RGS7: variants seen among roughly 807,000 people sequenced by gnomAD.
The protein encoded by RGS7 is regulator of G protein signaling 7.
In RGS7, 27 loss-of-function variants were observed where a neutral mutation model predicts 81.1. The observed-to-expected ratio is 0.33, with a 90% CI of 0.25 to 0.46. RGS7 has a LOEUF of 0.46. RGS7 is among the 20% of genes least tolerant of loss of function. The pLI, the probability that RGS7 is intolerant of heterozygous loss-of-function variation, is 1.00. For synonymous variants in RGS7, 208 were observed against 207.7 expected, an observed-to-expected ratio of 1.00 and a Z score of -0.01; for missense variants, 396 against 607.4, an observed-to-expected ratio of 0.65 and a Z score of 3.66.
chr1:240,776,199 C>T lies in RGS7; in HGVS notation c.*21G>A, dbSNP rs150041234. The T allele has an allele frequency of 8.0e-4, 1,291 of 1,610,710 alleles. No homozygotes were observed. Among genetic ancestry groups the T allele is most frequent in the Non-Finnish European group, 1.1e-3 (1,240 of 1,176,994 alleles). ...GAGCAAGGCTTGTTAACCTCTTGGA[C>T]GTGAGAGATTTCCCCTGAGAAAATA... On this transcript the variant is annotated 3_prime_UTR_variant, in exon 19 of 19. Transcript: ENST00000440928.
intron 3 of RGS7, among the ~76,000 whole-genome samples, chr1:241,058,605 G>T (rs2061590367): frequency 6.6e-6 from 1 of 152,184 alleles, no homozygotes; most frequent in African/African-American, 2.4e-5. Flanking sequence ...GTTGCCATGT[G>T]ACTCCAATAA....
rs770774793 is a variant in RGS7 at position 241,355,806 on chromosome 1, T to C, written c.-30A>G. Reference sequence around the variant, plus strand: ...CCCAAAACTTGGTCCACTCTCAAGATACAAGAATTATCAGTGTGCCCTGCA... The same window carrying C: ...CCCAAAACTTGGTCCACTCTCAAGACACAAGAATTATCAGTGTGCCCTGCA... On this transcript the variant is annotated 5_prime_UTR_variant, in exon 2 of 19. Transcript: ENST00000440928. The C allele has an allele frequency of 1.3e-6, 2 of 1,586,276 alleles. No individual in the cohort carries two copies. Among genetic ancestry groups the C allele is most frequent in the South Asian group, 1.1e-5 (1 of 90,568 alleles).
intron 2 of RGS7, among the ~76,000 whole-genome samples, chr1:241,120,498 C>T (rs1240770223): frequency 1.3e-5 from 2 of 152,096 alleles, no homozygotes; most frequent in African/African-American, 4.8e-5. Context: ...CAGATCTGCA[C>T]CACCACGCCT....
At chr1:240,966,964 T>A (rs187813750) in intron 4 of RGS7, among the ~76,000 whole-genome samples, 5 of 152,212 alleles carry the variant, frequency 3.3e-5, no homozygotes, top group Non-Finnish European at 7.3e-5. Flanking sequence ...TGAAACACTA[T>A]GTAGGGGTTA....
intron 18 of RGS7, among the ~76,000 whole-genome samples, chr1:240,789,497 G>A (rs887356995): frequency 3.3e-5 from 5 of 152,280 alleles, no homozygotes; most frequent in East Asian, 1.9e-4. Flanking sequence ...GAGAAATATC[G>A]CTGAATTCTT....
Position 241,087,997 on chromosome 1 carries a change from C to CAA in RGS7, c.175+10668_175+10669insTT, listed in dbSNP as rs1351209701. 9.5e-5 allele frequency among the ~76,000 whole-genome samples: 9 copies of CAA among 94,828 alleles called. No individual in the cohort carries two copies. In the East Asian group the frequency reaches 2.0e-3, roughly 21 times the overall value. The allele number at this position is 94,828 out of a possible 152,430, so 62.2% of individuals were successfully genotyped here. ...CTCTCTATATATATATATATATATA[C>CAA]ACACACACACATATATATATACACA... is the stretch of plus-strand genomic sequence containing the variant. On this transcript the variant is annotated intron_variant, in intron 3 of 18. Transcript: ENST00000440928.
chr1:241,014,870 C>A (rs565438942), intron 3 of RGS7, among the ~76,000 whole-genome samples: 48 of 152,282 alleles, frequency 3.2e-4, no homozygotes, highest in African/African-American at 8.2e-4. Context: ...TGGTTTCCGT[C>A]AGACTGAGAG....
intron 2 of RGS7, among the ~76,000 whole-genome samples, chr1:241,283,340 A>G (rs537069230): frequency 6.6e-5 from 10 of 152,294 alleles, no homozygotes; most frequent in African/African-American, 2.2e-4. Flanking sequence ...TGCTGGCAGT[A>G]TATTCTATTA....
chr1:240,897,232 G>A (rs182301084), intron 6 of RGS7, among the ~76,000 whole-genome samples: 6 of 152,276 alleles, frequency 3.9e-5, no homozygotes, highest in Non-Finnish European at 8.8e-5. Flanking sequence ...TGCAAATAGG[G>A]ACAATTTGAC....
At chr1:240,954,547 T>A (rs531828221) in intron 4 of RGS7, among the ~76,000 whole-genome samples, 1 of 56,986 alleles carries the variant, frequency 1.8e-5, no homozygotes, top group Non-Finnish European at 4.0e-5. Context: ...CCAAAACTTA[T>A]CCATGTAAAA....
chr1:240,956,970 T>A (rs1680539806), intron 4 of RGS7, among the ~76,000 whole-genome samples: 2 of 152,178 alleles, frequency 1.3e-5, no homozygotes. Context: ...ACTGTCATAG[T>A]CTAGAGGACC....
At chr1:240,820,232 TTAAC>T (rs1382896526) in intron 10 of RGS7, among the ~76,000 whole-genome samples, 3 of 152,188 alleles carry the variant, frequency 2.0e-5, no homozygotes, top group Non-Finnish European at 4.4e-5. Flanking sequence ...GAAAATCAAA[TTAAC>T]TAATTGAGAT....
chr1:240,957,345 G>C (rs954323789), intron 4 of RGS7, among the ~76,000 whole-genome samples: 1 of 152,156 alleles, frequency 6.6e-6, no homozygotes, highest in Non-Finnish European at 1.5e-5. Flanking sequence ...CACACTGAAG[G>C]CTGCACTGTC....
At chr1:241,056,717 T>A (rs1218981109) in intron 3 of RGS7, among the ~76,000 whole-genome samples, 1 of 152,226 alleles carries the variant, frequency 6.6e-6, no homozygotes, top group African/African-American at 2.4e-5. Context: ...AAGAGACCAT[T>A]CATTTCAGCA....
At chr1:241,102,519 A>G (rs1456728575) in intron 2 of RGS7, among the ~76,000 whole-genome samples, 1 of 152,212 alleles carries the variant, frequency 6.6e-6, no homozygotes, top group Non-Finnish European at 1.5e-5. Flanking sequence ...TCTTCCCAGG[A>G]CAGAACAAAG....
intron 3 of RGS7, among the ~76,000 whole-genome samples, chr1:241,027,094 T>C (rs2059828679): frequency 6.7e-6 from 1 of 149,868 alleles, no homozygotes; most frequent in African/African-American, 2.5e-5. Flanking sequence ...TTCCAGATGC[T>C]CAGGAGGCTG....
intron 2 of RGS7, among the ~76,000 whole-genome samples, chr1:241,216,221 G>A (rs1487959688): frequency 1.3e-5 from 2 of 152,008 alleles, no homozygotes; most frequent in Admixed American, 1.3e-4. Context: ...GTAGTGAGCC[G>A]AGATGGTGCC....
In RGS7 at chr1:240,953,798, A is replaced by G. The variant is rs145592889; in HGVS notation, c.227-17092T>C. Among the ~76,000 whole-genome samples the G allele has an allele frequency of 1.2e-3, 178 of 152,150 alleles. 1 individual carries two copies. The highest frequency in any genetic ancestry group is 4.0e-3 in the African/African-American group (167 of 41,584). On this transcript the variant is annotated intron_variant, in intron 4 of 18. Transcript: ENST00000440928. ...GAGAACAGGAAAACAACAGAGAAAA[A>G]TCAACAAAATTAAAAGCTGGTTCTT...
At chr1:241,238,132 A>G (rs112470149) in intron 2 of RGS7, among the ~76,000 whole-genome samples, 4,395 of 152,246 alleles carry the variant, frequency 0.029, 228 homozygotes, top group African/African-American at 0.099. Flanking sequence ...TGAAGCATGC[A>G]AAGTGCTGTG....
Sources: gnomAD v4.1 joint callset for allele counts (sites outside exome capture counted in the v4.1 genomes callset) on GRCh38, gnomAD v4.1.1 for gene constraint, MANE v1.5 for transcripts, NCBI Gene and HGNC (gene_info 2026-07-23, HGNC 2026-07-21) for gene names.